TJP1: variants seen among roughly 807,000 people sequenced by gnomAD.
TJP1 encodes the protein tight junction protein ZO-1.
In TJP1, 43 loss-of-function variants were observed where a neutral mutation model predicts 194.2. The ratio of observed to expected loss-of-function variants is 0.22; its 90% CI spans 0.17 to 0.29. The LOEUF (loss-of-function observed/expected upper bound fraction) is 0.29, where lower values mean the gene tolerates loss of function less well. TJP1 is among the 10% of genes least tolerant of loss of function. TJP1 has a pLI of 1.00. For missense variants in TJP1, 1,971 were observed against 2,185.7 expected, an observed-to-expected ratio of 0.90 and a Z score of 1.96; for synonymous variants, 801 against 779.0, an observed-to-expected ratio of 1.03 and a Z score of -0.47.
chr15:29,883,329 G>A (rs1303156277), intron 2 of TJP1, among the ~76,000 whole-genome samples: 3 of 152,200 alleles, frequency 2.0e-5, no homozygotes, highest in Admixed American at 2.0e-4. Context: ...TGTTGACTGC[G>A]TTGGGTGAAA....
chr15:29,881,994 G>A (rs1210559623), intron 2 of TJP1, among the ~76,000 whole-genome samples: 1 of 151,732 alleles, frequency 6.6e-6, no homozygotes, highest in African/African-American at 2.4e-5. Context: ...ATCATTGTTA[G>A]GGTGGTTTCA....
chr15:29,745,540 C>A (rs1346947197), intron 8 of TJP1, among the ~76,000 whole-genome samples: 1 of 152,012 alleles, frequency 6.6e-6, no homozygotes, highest in Non-Finnish European at 1.5e-5. Context: ...AAATATCTGA[C>A]AAGATTAAAA....
intron 23 of TJP1, among the ~76,000 whole-genome samples, chr15:29,712,183 C>A (rs1006342592): frequency 6.6e-6 from 1 of 152,208 alleles, no homozygotes; most frequent in Non-Finnish European, 1.5e-5. Flanking sequence ...TTGGAATACT[C>A]CTGGTCATTT....
At chr15:29,735,571 T>A (rs1293587139) in intron 11 of TJP1, among the ~76,000 whole-genome samples, 1 of 131,372 alleles carries the variant, frequency 7.6e-6, no homozygotes, top group Admixed American at 9.2e-5. Context: ...TGGGTGACAG[T>A]GAGGCGCTGT....
intron 1 of TJP1, chr15:29,820,815 G>A (rs1192367574): frequency 2.0e-6 from 1 of 505,494 alleles, no homozygotes; most frequent in Non-Finnish European, 3.5e-6. Flanking sequence ...AAAGGTGCAA[G>A]TTAAATTTTT....
At chr15:29,804,135 G>T (rs2048968505) in intron 1 of TJP1, among the ~76,000 whole-genome samples, 1 of 151,994 alleles carries the variant, frequency 6.6e-6, no homozygotes, top group Non-Finnish European at 1.5e-5. Flanking sequence ...GGCAAAAGTA[G>T]CAAATTCTAT....
intron 2 of TJP1, among the ~76,000 whole-genome samples, chr15:29,914,324 C>T (rs893742448): frequency 6.6e-6 from 1 of 152,084 alleles, no homozygotes; most frequent in Non-Finnish European, 1.5e-5. Context: ...AAAGGGGATG[C>T]TATATAGAGC....
chr15:29,890,763 G>A (rs1370268408), intron 2 of TJP1, among the ~76,000 whole-genome samples: 2 of 151,342 alleles, frequency 1.3e-5, no homozygotes, highest in Non-Finnish European at 2.9e-5. Context: ...GCTAATGGGG[G>A]AAAGGTAATC....
chr15:29,704,955 A>G (rs2041800582), intron 26 of TJP1, among the ~76,000 whole-genome samples: 2 of 152,226 alleles, frequency 1.3e-5, no homozygotes, highest in Admixed American at 1.3e-4. Context: ...CTGCTAAAAG[A>G]TGCTAAATCA....
At chr15:29,891,149 C>T (rs1048006722) in intron 2 of TJP1, among the ~76,000 whole-genome samples, 4 of 152,218 alleles carry the variant, frequency 2.6e-5, no homozygotes, top group Non-Finnish European at 5.9e-5. Context: ...CCTCCCTGGG[C>T]TGCAGTCCCT....
intron 2 of TJP1, among the ~76,000 whole-genome samples, chr15:29,850,950 C>T (rs185282658): frequency 3.9e-4 from 59 of 152,094 alleles, no homozygotes; most frequent in African/African-American, 1.3e-3. Context: ...TCAGCCTGGC[C>T]AATATGGTGA....
At chr15:29,850,207 G>C (rs1003336151) in intron 2 of TJP1, among the ~76,000 whole-genome samples, 4 of 152,200 alleles carry the variant, frequency 2.6e-5, no homozygotes, top group Non-Finnish European at 5.9e-5. Context: ...AGTTCTGGCT[G>C]ACGTCTTGAC....
chr15:29,761,304 CTACT>C lies in TJP1; in HGVS notation c.863-22_863-19del. The stretch of plus-strand genomic sequence containing the variant: ...TGAAATGTCTGTTAATAAAAGGGTG[CTACT>C]TATTTTCCCACAAAAATAATTACAG... On this transcript the variant is annotated intron_variant, in intron 7 of 27. Transcript: ENST00000614355. 6.2e-7 allele frequency: 1 copy of C among 1,613,460 alleles called. No homozygotes were observed. Among genetic ancestry groups the C allele is most frequent in the African/African-American group, 1.3e-5 (1 of 74,972 alleles).
intron 23 of TJP1, among the ~76,000 whole-genome samples, chr15:29,712,888 C>T (rs2042326405): frequency 1.3e-5 from 2 of 151,174 alleles, no homozygotes; most frequent in Admixed American, 1.3e-4. Flanking sequence ...AGAAGAGCTA[C>T]ATTGAGCCCC....
intron 2 of TJP1, among the ~76,000 whole-genome samples, chr15:29,948,804 G>A (rs1049779184): frequency 2.6e-5 from 4 of 152,016 alleles, no homozygotes; most frequent in African/African-American, 2.4e-5. Context: ...TTAGTGTTCT[G>A]TTATTTGCAA....
chr15:29,741,744 T>C (rs2044437096), intron 9 of TJP1, among the ~76,000 whole-genome samples: 1 of 152,160 alleles, frequency 6.6e-6, no homozygotes, highest in African/African-American at 2.4e-5. Flanking sequence ...ACTGCCAAAG[T>C]AGCTACCTTT....
intron 2 of TJP1, among the ~76,000 whole-genome samples, chr15:29,942,871 C>T (rs760500479): frequency 2.6e-5 from 4 of 152,200 alleles, no homozygotes; most frequent in African/African-American, 9.7e-5. Flanking sequence ...AACCAACTCC[C>T]AAGTCATTTT....
chr15:29,784,641 C>CA (rs1213695391), intron 2 of TJP1, among the ~76,000 whole-genome samples: 1 of 151,948 alleles, frequency 6.6e-6, no homozygotes, highest in Non-Finnish European at 1.5e-5. Context: ...CCTTCAAGTA[C>CA]AAAAAACACA....
At chr15:29,731,280 C>G (rs2151243852) in intron 15 of TJP1, among the ~76,000 whole-genome samples, 1 of 152,190 alleles carries the variant, frequency 6.6e-6, no homozygotes, top group Middle Eastern at 3.4e-3. Flanking sequence ...ACATGGCCAC[C>G]TTGGCACAAA....
Sources: allele counts gnomAD v4.1 joint callset (sites outside exome capture counted in the v4.1 genomes callset), GRCh38; gene constraint gnomAD v4.1.1; transcripts MANE v1.5; gene names NCBI Gene and HGNC (gene_info 2026-07-23, HGNC 2026-07-21).